EXT1: variants seen among roughly 807,000 people sequenced by gnomAD.
The protein encoded by EXT1 is exostosin glycosyltransferase 1, also known as exostosin-1.
In EXT1, 20 loss-of-function variants were observed where a neutral mutation model predicts 82.5. The observed-to-expected ratio is 0.24, with a 90% CI of 0.17 to 0.35. EXT1 has a LOEUF of 0.35. EXT1 is among the 10% of genes least tolerant of loss of function. The pLI, the probability that EXT1 is intolerant of heterozygous loss-of-function variation, is 1.00. For missense variants in EXT1, 757 were observed against 936.5 expected, an observed-to-expected ratio of 0.81 and a Z score of 2.50; for synonymous variants, 348 against 350.8, an observed-to-expected ratio of 0.99 and a Z score of 0.09.
chr8:118,028,977 T>C (rs908739596), intron 1 of EXT1, among the ~76,000 whole-genome samples: 3 of 152,166 alleles, frequency 2.0e-5, no homozygotes, highest in Non-Finnish European at 4.4e-5. Context: ...CTGTAAGATA[T>C]ATTCACCATA....
intron 1 of EXT1, among the ~76,000 whole-genome samples, chr8:118,074,696 A>G (rs755641981): frequency 2.6e-5 from 4 of 152,284 alleles, no homozygotes; most frequent in Admixed American, 2.6e-4. Context: ...AGAGAAAGGG[A>G]GAGCTGGGGG....
intron 10 of EXT1, among the ~76,000 whole-genome samples, chr8:117,803,186 GTTTCTTTTTTCTT>G (rs1165041702): frequency 1.3e-5 from 2 of 151,740 alleles, no homozygotes; most frequent in Non-Finnish European, 2.9e-5. Context: ...AAGGTTTTTT[GTTTCTTTTTTCTT>G]TTTCTTTTTT....
intron 1 of EXT1, among the ~76,000 whole-genome samples, chr8:117,905,039 T>G (rs1054928192): frequency 6.6e-6 from 1 of 152,156 alleles, no homozygotes; most frequent in Non-Finnish European, 1.5e-5. Flanking sequence ...TGACTTTAAA[T>G]GTGTCTTTCA....
intron 1 of EXT1, among the ~76,000 whole-genome samples, chr8:117,921,552 G>A (rs1813858383): frequency 1.3e-5 from 2 of 152,222 alleles, no homozygotes; most frequent in South Asian, 4.1e-4. Context: ...TGAGGTTAGA[G>A]AGTGCAGATC....
chr8:117,859,490 A>C (rs1812642971), intron 1 of EXT1, among the ~76,000 whole-genome samples: 1 of 152,170 alleles, frequency 6.6e-6, no homozygotes, highest in South Asian at 2.1e-4. Context: ...TTCTAGATGG[A>C]TATGTTAGGT....
At position 118,111,635 on chromosome 8, in the gene EXT1, C is replaced by T; in HGVS notation, c.-589G>A. 2.5e-6 allele frequency: 1 copy of T among 395,510 alleles called. No individual in the cohort carries two copies. The highest frequency in any genetic ancestry group is 3.6e-5 in the East Asian group (1 of 27,944). The allele number at this position is 395,510 out of a possible 1,614,324, so 24.5% of individuals were successfully genotyped here. A position where few individuals can be genotyped will look rare whatever the true frequency, so the allele number is the denominator to read the frequency against. On this transcript the variant is annotated 5_prime_UTR_variant, in exon 1 of 11. Transcript: ENST00000378204. ...TCCCTTCTGCAGCGGCTCCAAGACT[C>T]CGGCGGTGTTTACTCCTGCGCTCGC...
chr8:118,049,058 T>A (rs1313231266), intron 1 of EXT1, among the ~76,000 whole-genome samples: 1 of 152,084 alleles, frequency 6.6e-6, no homozygotes, highest in Non-Finnish European at 1.5e-5. Context: ...CACTCCCACA[T>A]CCATTTACAG....
At chr8:117,950,811 C>G (rs937922556) in intron 1 of EXT1, among the ~76,000 whole-genome samples, 1 of 152,110 alleles carries the variant, frequency 6.6e-6, no homozygotes, top group Non-Finnish European at 1.5e-5. Flanking sequence ...GGGTCCTAAC[C>G]AGGAGCTTTC....
intron 1 of EXT1, among the ~76,000 whole-genome samples, chr8:118,001,638 CTTAT>C (rs1815668617): frequency 6.6e-6 from 1 of 151,964 alleles, no homozygotes; most frequent in South Asian, 2.1e-4. Flanking sequence ...TAATTTTTAT[CTTAT>C]TTATTAATTG....
intron 1 of EXT1, among the ~76,000 whole-genome samples, chr8:118,060,336 G>C (rs1283402265): frequency 1.3e-5 from 2 of 152,156 alleles, no homozygotes; most frequent in Non-Finnish European, 2.9e-5. Context: ...TTTTTCGAAT[G>C]TTTGAACTGA....
At chr8:118,105,065 G>C (rs532263046) in intron 1 of EXT1, among the ~76,000 whole-genome samples, 1 of 152,112 alleles carries the variant, frequency 6.6e-6, no homozygotes, top group East Asian at 1.9e-4. Flanking sequence ...CCTTACCACC[G>C]TTTGCCTCCG....
chr8:117,992,212 T>A (rs1422230463), intron 1 of EXT1, among the ~76,000 whole-genome samples: 1 of 151,948 alleles, frequency 6.6e-6, no homozygotes, highest in Non-Finnish European at 1.5e-5. Flanking sequence ...GTGGCTAAGG[T>A]AAACATGGCT....
At chr8:118,102,943 T>C (rs1331206997) in intron 1 of EXT1, among the ~76,000 whole-genome samples, 1 of 151,918 alleles carries the variant, frequency 6.6e-6, no homozygotes, top group Non-Finnish European at 1.5e-5. Flanking sequence ...TCACCGAAGG[T>C]CGGGAGTTCG....
In EXT1 at chr8:117,794,908, T is replaced by C. The variant is rs1823069498; in HGVS notation, c.*4804A>G. 1 of 152,182 alleles carries C rather than the reference T, an allele frequency of 6.6e-6. No individual in the cohort carries two copies. The highest frequency in any genetic ancestry group is 2.1e-4 in the South Asian group (1 of 4,828). 9.4% of individuals were successfully genotyped at this position (152,182 alleles called of 1,614,324 possible). ...GTCTTTCTTTCTGCCCCTCAACATA[T>C]CCTATACATATTGTTCTCTCAAAAT... On this transcript the variant is annotated 3_prime_UTR_variant, in exon 11 of 11. Transcript: ENST00000378204.
intron 1 of EXT1, among the ~76,000 whole-genome samples, chr8:118,102,764 A>G (rs1047061748): frequency 6.6e-6 from 1 of 152,240 alleles, no homozygotes; most frequent in Non-Finnish European, 1.5e-5. Context: ...TAGAATTAGG[A>G]AAGAAATTTA....
At chr8:118,082,339 C>T (rs1237885668) in intron 1 of EXT1, among the ~76,000 whole-genome samples, 1 of 152,188 alleles carries the variant, frequency 6.6e-6, no homozygotes, top group Non-Finnish European at 1.5e-5. Context: ...GTAAGTTTCA[C>T]TATTGTCCTA....
chr8:117,928,383 G>A (rs1278557960), intron 1 of EXT1, among the ~76,000 whole-genome samples: 1 of 152,206 alleles, frequency 6.6e-6, no homozygotes, highest in African/African-American at 2.4e-5. Flanking sequence ...TTGAATGCAG[G>A]CATGTACATA....
At position 117,804,891 on chromosome 8, in the gene EXT1, T is replaced by C; in HGVS notation, c.1886A>G (p.Tyr629Cys). Residue 629 changes from tyrosine to cysteine, a missense_variant and splice_region_variant, in exon 10 of 11, where the codon TAT becomes TGT. Physicochemically the swap from Tyr to Cys is radical, Grantham distance 194. Transcript: ENST00000378204. ...VLTGAAIYHKYYHYLYSHYLP... is the reference protein window; with the variant it reads ...VLTGAAIYHKCYHYLYSHYLP... ...GTAATGGGAGTATAGGTAGTGATAA[T>C]ATCTGTAAAAATCAAAGATGGGTTT... The C allele has an allele frequency of 6.2e-7, 1 of 1,613,974 alleles. No individual in the cohort carries two copies. Among genetic ancestry groups the C allele is most frequent in the East Asian group, 2.2e-5 (1 of 44,878 alleles).
intron 1 of EXT1, among the ~76,000 whole-genome samples, chr8:117,950,096 C>G (rs926353031): frequency 7.2e-5 from 11 of 152,110 alleles, no homozygotes; most frequent in African/African-American, 2.7e-4. Context: ...AACAAATTAG[C>G]TGGGCATGGT....
Sources: allele counts gnomAD v4.1 joint callset (sites outside exome capture counted in the v4.1 genomes callset), GRCh38; gene constraint gnomAD v4.1.1; transcripts MANE v1.5; gene names NCBI Gene and HGNC (gene_info 2026-07-23, HGNC 2026-07-21).